The following MYOM2 variants were observed in gnomAD, a reference collection of about 807,000 sequenced individuals.
MYOM2 encodes the protein myomesin-2.
Under a neutral mutation model 187.6 loss-of-function variants are expected in MYOM2, and 254 were observed. That is an observed-to-expected ratio of 1.35 (90% CI 1.22 to 1.50). MYOM2 has a LOEUF of 1.50. Ranked by LOEUF, MYOM2 falls within the 40% of genes most tolerant of loss-of-function variation. The pLI is 0.00. For missense variants in MYOM2, 2,796 were observed against 1,924.0 expected, an observed-to-expected ratio of 1.45 and a Z score of -8.48; for synonymous variants, 981 against 753.8, an observed-to-expected ratio of 1.30 and a Z score of -4.94.
chr8:2,117,918 T>C lies in MYOM2; in HGVS notation c.3419T>C (p.Val1140Ala). The change falls in exon 28 of 37, where the codon GTC (valine) becomes GCC (alanine). Residue 1140 changes from valine to alanine, a missense_variant. By Grantham distance (64) the Val-to-Ala change is moderately conservative. Transcript: ENST00000262113. ...TTTGCTGAGTACTTGCACTGGGATG[T>C]CACGGAAGAATGTGAAGTTCGACTT... ...PHFAEYLHWD[V>A]TEECEVRLVC... The C allele has an allele frequency of 6.2e-7, 1 of 1,613,508 alleles. No homozygotes were observed. The highest frequency in any genetic ancestry group is 8.5e-7 in the Non-Finnish European group (1 of 1,179,702).
At chr8:2,106,140 T>G in intron 21 of MYOM2, 102 bp from the exon 22 acceptor site, 2 of 1,166,370 alleles carry the variant, frequency 1.7e-6, no homozygotes, top group East Asian at 2.4e-5. Context: ...TGAGATGAGA[T>G]TTGGGTGTGG....
Position 2,108,787 on chromosome 8 carries a change from G to A in MYOM2, c.3000G>A (p.Glu1000=), listed in dbSNP as rs148418008. The change falls in exon 24 of 37, where the codon GAG becomes GAA. Residue 1000 remains glutamate (E), a splice_region_variant and synonymous_variant. Coordinates refer to ENST00000262113, the MANE Select transcript of MYOM2 (RefSeq NM_003970.4). ...TGAAATACTTTTTCTTCGTTTTAGA[G>A]CTCGAGCGTTTGATGGCATTGAGCA... is the stretch of plus-strand genomic sequence containing the variant. The part of the protein sequence containing the change: ...VSSSFVLDPE[E]LERLMALSNE... The A allele has an allele frequency of 1.0e-4, 166 of 1,613,882 alleles. 2 individuals are homozygous for A. In the African/African-American group the frequency reaches 1.9e-3, roughly 18 times the overall value.
intron 28 of MYOM2, chr8:2,119,544 A>G (rs1465350768): frequency 2.0e-5 from 3 of 152,720 alleles, no homozygotes; most frequent in South Asian, 2.1e-4. Flanking sequence ...TTCCAACCCC[A>G]CTCCCTGGCA....
intron 6 of MYOM2, among the ~76,000 whole-genome samples, chr8:2,063,050 T>A (rs976199466): frequency 6.6e-6 from 1 of 152,318 alleles, no homozygotes; most frequent in Admixed American, 6.5e-5. Context: ...TGCTTGCATA[T>A]GCAAATATTT....
In MYOM2 at chr8:2,078,309, G is replaced by C. The variant is rs568237789; in HGVS notation, c.1263-425G>C. On this transcript the variant is annotated intron_variant, in intron 11 of 36. Coordinates refer to ENST00000262113, the MANE Select transcript of MYOM2 (RefSeq NM_003970.4). ...AGTGGGACGGGAGCTGGAGGCAGAG[G>C]GGGCTGAGCCTGTTTCCCCAGCCTG... 3.4e-3 allele frequency among the ~76,000 whole-genome samples: 514 copies of C among 152,332 alleles called. 1 individual carries two copies. Among genetic ancestry groups the C allele is most frequent in the African/African-American group, 0.012 (498 of 41,572 alleles).
chr8:2,068,422 G>A (rs1478505263), intron 6 of MYOM2, among the ~76,000 whole-genome samples: 1 of 150,262 alleles, frequency 6.7e-6, no homozygotes, highest in Admixed American at 6.6e-5. Flanking sequence ...CAGGTGGAGA[G>A]CATCCTGGGG....
At chr8:2,100,798 G>C in intron 19 of MYOM2, 78 bp from the exon 20 acceptor site, 1 of 1,442,634 alleles carries the variant, frequency 6.9e-7, no homozygotes, top group South Asian at 1.2e-5. Context: ...GGAGCAGTGG[G>C]TCCCCGGGGC....
At chr8:2,135,500 T>C (rs73657758) in intron 32 of MYOM2, among the ~76,000 whole-genome samples, 1 of 152,018 alleles carries the variant, frequency 6.6e-6, no homozygotes, top group Admixed American at 6.5e-5. Context: ...CCTTCTCTCC[T>C]CCTCCCTGCT....
chr8:2,107,982 C>T (rs1276995510), intron 23 of MYOM2, among the ~76,000 whole-genome samples: 2 of 152,252 alleles, frequency 1.3e-5, no homozygotes, highest in African/African-American at 4.8e-5. Flanking sequence ...TAGTTCATTC[C>T]ATGTATGGAA....
chr8:2,052,762 G>A (rs1033665106), intron 3 of MYOM2, among the ~76,000 whole-genome samples: 1 of 152,190 alleles, frequency 6.6e-6, no homozygotes, highest in Non-Finnish European at 1.5e-5. Context: ...CTGTAGCTAT[G>A]CAGGAACAGC....
At chr8:2,087,421 G>C (rs912371328) in intron 14 of MYOM2, among the ~76,000 whole-genome samples, 5 of 152,236 alleles carry the variant, frequency 3.3e-5, no homozygotes, top group African/African-American at 1.2e-4. Context: ...TATCTGGGGG[G>C]TAGAAACTAG....
chr8:2,062,261 G>A (rs1272436500), intron 6 of MYOM2, among the ~76,000 whole-genome samples: 1 of 152,200 alleles, frequency 6.6e-6, no homozygotes, highest in African/African-American at 2.4e-5. Context: ...AGACCCCAGA[G>A]GGCTGAGGGG....
intron 16 of MYOM2, among the ~76,000 whole-genome samples, 189 bp downstream of exon 16, chr8:2,092,709 C>A (rs546381172): frequency 6.6e-6 from 1 of 152,304 alleles, no homozygotes; most frequent in South Asian, 2.1e-4. Flanking sequence ...ACTGCACTTG[C>A]TCATGTCGAC....
intron 21 of MYOM2, among the ~76,000 whole-genome samples, chr8:2,103,765 A>G (rs1247952016): frequency 3.6e-4 from 47 of 131,326 alleles, no homozygotes; most frequent in East Asian, 2.0e-3. Flanking sequence ...GTGGGAGAGC[A>G]TGCATGTGTT....
At chr8:2,073,532 C>T (rs577405969) in intron 10 of MYOM2, 32 bp downstream of exon 10, 4 of 1,558,588 alleles carry the variant, frequency 2.6e-6, no homozygotes, top group Admixed American at 1.8e-5. Flanking sequence ...GGGTGCAGAC[C>T]TTGTGTGTGC....
chr8:2,133,353 A>G (rs1797941905), intron 32 of MYOM2, among the ~76,000 whole-genome samples: 1 of 152,118 alleles, frequency 6.6e-6, no homozygotes, highest in African/African-American at 2.4e-5. Flanking sequence ...GTTGACTTGA[A>G]TTTTGGACCA....
intron 32 of MYOM2, among the ~76,000 whole-genome samples, chr8:2,131,123 A>T (rs1797850940): frequency 6.6e-6 from 1 of 152,148 alleles, no homozygotes; most frequent in East Asian, 1.9e-4. Context: ...ACACACCCAC[A>T]CACAGGATTA....
intron 31 of MYOM2, among the ~76,000 whole-genome samples, chr8:2,127,271 G>A (rs1292036608): frequency 1.3e-5 from 2 of 152,126 alleles, no homozygotes; most frequent in African/African-American, 4.8e-5. Context: ...CCACCTGACT[G>A]GGGAGGGGAG....
intron 32 of MYOM2, among the ~76,000 whole-genome samples, chr8:2,136,689 G>T (rs554260694): frequency 1.3e-5 from 2 of 152,318 alleles, no homozygotes; most frequent in South Asian, 4.1e-4. Context: ...CCAAAGTCAG[G>T]AGGCCGGTGG....
Sources: allele counts gnomAD v4.1 joint callset (sites outside exome capture counted in the v4.1 genomes callset), GRCh38; gene constraint gnomAD v4.1.1; transcripts MANE v1.5; gene names NCBI Gene and HGNC (gene_info 2026-07-23, HGNC 2026-07-21).